VSTM2A: variants seen among roughly 807,000 people sequenced by gnomAD.
VSTM2A encodes V-set and transmembrane domain containing 2A, also known as V-set and transmembrane domain-containing protein 2A.
VSTM2A carries 13 observed loss-of-function variants against 27.3 expected under a neutral mutation model. The ratio of observed to expected loss-of-function variants is 0.48; its 90% CI spans 0.31 to 0.76. The LOEUF (loss-of-function observed/expected upper bound fraction) is 0.76, where lower values mean the gene tolerates loss of function less well. Among genes scored for constraint, VSTM2A ranks in the 30% least tolerant of loss-of-function variants. VSTM2A has a pLI of 0.05. For synonymous variants in VSTM2A, 142 were observed against 125.7 expected (o/e 1.13, Z -0.87); for missense variants, 280 against 310.0 (o/e 0.90, Z 0.73).
At chr7:54,553,637 A>C (rs1309100486) in intron 4 of VSTM2A, among the ~76,000 whole-genome samples, 1 of 152,130 alleles carries the variant, frequency 6.6e-6, no homozygotes, top group East Asian at 1.9e-4. Flanking sequence ...GGAAGAAGGG[A>C]CTTGGAGGAT....
At chr7:54,567,209 T>C (rs1440471337) in intron 4 of VSTM2A, among the ~76,000 whole-genome samples, 2 of 152,330 alleles carry the variant, frequency 1.3e-5, no homozygotes, top group East Asian at 3.9e-4. Context: ...CTGGCGAAAA[T>C]GAATTGTATT....
At chr7:54,565,156 C>T (rs899236200) in intron 4 of VSTM2A, among the ~76,000 whole-genome samples, 1 of 138,394 alleles carries the variant, frequency 7.2e-6, no homozygotes, top group Admixed American at 7.4e-5. Flanking sequence ...TTTCCGAAAG[C>T]GGCAGATTTC....
chr7:54,554,025 G>A (rs1788273695), intron 4 of VSTM2A: 3 of 1,553,064 alleles, frequency 1.9e-6, no homozygotes, highest in Non-Finnish European at 2.6e-6. Context: ...TCCCCAACCT[G>A]GCCATGGATC....
At chr7:54,567,421 A>G (rs1382331397) in intron 4 of VSTM2A, among the ~76,000 whole-genome samples, 1 of 152,140 alleles carries the variant, frequency 6.6e-6, no homozygotes, top group African/African-American at 2.4e-5. Context: ...TAACTTGCAC[A>G]TGCTGGATAT....
intron 3 of VSTM2A, among the ~76,000 whole-genome samples, chr7:54,547,804 A>G (rs994261522): frequency 1.3e-5 from 2 of 152,182 alleles, no homozygotes; most frequent in East Asian, 1.9e-4. Flanking sequence ...CCTACATTTT[A>G]AAAGAAAATG....
At chr7:54,561,786 C>T (rs1788569885) in intron 4 of VSTM2A, among the ~76,000 whole-genome samples, 1 of 152,124 alleles carries the variant, frequency 6.6e-6, no homozygotes, top group African/African-American at 2.4e-5. Context: ...AGACATTTTC[C>T]TTGTATTAAA....
chr7:54,561,640 T>G (rs1297086154), intron 4 of VSTM2A, among the ~76,000 whole-genome samples: 1 of 152,214 alleles, frequency 6.6e-6, no homozygotes, highest in Admixed American at 6.5e-5. Flanking sequence ...TACTTAATGC[T>G]GATAGCTAAG....
At position 54,542,726 on chromosome 7, in the gene VSTM2A, T is replaced by G. The variant is rs750182552; in HGVS notation, c.-5T>G. ...ACACTGATGTGACCCCCCTCCCTTT[T>G]TGGAATGATGGGGATCTTTTTGGTG... On this transcript the variant is annotated 5_prime_UTR_variant, in exon 1 of 5. Coordinates refer to ENST00000402613, the MANE Select transcript of VSTM2A (RefSeq NM_001301009.2). 2 of 1,613,486 alleles carry G rather than the reference T, an allele frequency of 1.2e-6. No individual in the cohort carries two copies. Among genetic ancestry groups the G allele is most frequent in the Non-Finnish European group, 1.7e-6 (2 of 1,179,634 alleles).
At chr7:54,555,721 T>C (rs944187813) in intron 4 of VSTM2A, among the ~76,000 whole-genome samples, 11 of 152,236 alleles carry the variant, frequency 7.2e-5, no homozygotes, top group African/African-American at 2.7e-4. Flanking sequence ...ACAAATACTA[T>C]AGCTTGTTTC....
At chr7:54,555,902 G>T (rs544524654) in intron 4 of VSTM2A, among the ~76,000 whole-genome samples, 3 of 152,156 alleles carry the variant, frequency 2.0e-5, no homozygotes, top group Non-Finnish European at 4.4e-5. Context: ...TCATCAGGGA[G>T]CTTATTAAAA....
chr7:54,560,434 G>A (rs962384816), intron 4 of VSTM2A, among the ~76,000 whole-genome samples: 46 of 152,016 alleles, frequency 3.0e-4, no homozygotes, highest in African/African-American at 1.1e-3. Context: ...ACACATACAA[G>A]CAAATAAAAT....
chr7:54,548,116 A>G (rs1788061891), intron 3 of VSTM2A, among the ~76,000 whole-genome samples: 1 of 152,170 alleles, frequency 6.6e-6, no homozygotes, highest in Non-Finnish European at 1.5e-5. Context: ...TATTTTTCAC[A>G]TACATATATA....
At chr7:54,554,889 TCTC>T (rs1278033255) in intron 4 of VSTM2A, among the ~76,000 whole-genome samples, 1 of 152,154 alleles carries the variant, frequency 6.6e-6, no homozygotes, top group Non-Finnish European at 1.5e-5. Flanking sequence ...CAGATGATGA[TCTC>T]CTGTCATTTT....
At chr7:54,555,818 C>T (rs1788336422) in intron 4 of VSTM2A, among the ~76,000 whole-genome samples, 1 of 151,924 alleles carries the variant, frequency 6.6e-6, no homozygotes, top group Admixed American at 6.6e-5. Flanking sequence ...ATAATTTTAC[C>T]ACTACTCTAG....
chr7:54,567,700 A>G (rs1025490051), intron 4 of VSTM2A, among the ~76,000 whole-genome samples: 1 of 152,216 alleles, frequency 6.6e-6, no homozygotes, highest in Non-Finnish European at 1.5e-5. Context: ...AATACCAGAC[A>G]TACTTTGTGT....
At chr7:54,553,040 T>TATATGTATATGAA (rs1788240259) in intron 4 of VSTM2A, among the ~76,000 whole-genome samples, 1 of 152,232 alleles carries the variant, frequency 6.6e-6, no homozygotes, top group East Asian at 1.9e-4. Context: ...CTTCAAATTT[T>TATATGTATATGAA]CATACAATTA....
chr7:54,544,517 T>C, intron 1 of VSTM2A, 105 bp from the exon 2 acceptor site: 3 of 1,389,406 alleles, frequency 2.2e-6, no homozygotes, highest in South Asian at 1.2e-5. Context: ...AAGAGAGGGG[T>C]TTTGTTGCTA....
intron 4 of VSTM2A, among the ~76,000 whole-genome samples, chr7:54,555,267 C>CT (rs1374828600): frequency 6.6e-6 from 1 of 152,222 alleles, no homozygotes; most frequent in Non-Finnish European, 1.5e-5. Flanking sequence ...TGTTTTAACT[C>CT]TAATACAAGG....
chr7:54,556,708 T>C (rs1788372676), intron 4 of VSTM2A, among the ~76,000 whole-genome samples: 1 of 152,256 alleles, frequency 6.6e-6, no homozygotes, highest in Admixed American at 6.5e-5. Context: ...CCAAGGAATC[T>C]GCTAGGGCTA....
Sources: allele counts gnomAD v4.1 joint callset (sites outside exome capture counted in the v4.1 genomes callset), GRCh38; gene constraint gnomAD v4.1.1; transcripts MANE v1.5; gene names NCBI Gene and HGNC (gene_info 2026-07-23, HGNC 2026-07-21).